Variants in ADGRL3 observed in about 807,000 individuals in gnomAD.
ADGRL3 encodes calcium-independent alpha-latrotoxin receptor 3.
Under a neutral mutation model 153.5 loss-of-function variants are expected in ADGRL3, and 62 were observed. The ratio of observed to expected loss-of-function variants is 0.40; its 90% CI spans 0.33 to 0.50. ADGRL3 has a LOEUF of 0.50. Ranked by LOEUF, ADGRL3 falls within the 20% of genes least tolerant of loss-of-function variation. The probability of loss-of-function intolerance (pLI) is 0.47; values close to 1 mark genes in which losing one functional copy is unlikely to be tolerated. For missense variants in ADGRL3, 1,641 were observed against 1,859.4 expected (o/e 0.88, Z 2.16); for synonymous variants, 710 against 672.5 (o/e 1.06, Z -0.86).
chr4:61,688,867 T>G (rs750181883), intron 6 of ADGRL3, among the ~76,000 whole-genome samples: 7 of 152,194 alleles, frequency 4.6e-5, no homozygotes, highest in Non-Finnish European at 7.4e-5. Flanking sequence ...TCATACGATT[T>G]AGCTCTTAAA....
At chr4:61,822,914 T>C (rs2097768606) in intron 9 of ADGRL3, among the ~76,000 whole-genome samples, 1 of 152,208 alleles carries the variant, frequency 6.6e-6, no homozygotes, top group African/African-American at 2.4e-5. Flanking sequence ...TCAGGTTTGA[T>C]GTGACTGGTT....
intron 2 of ADGRL3, among the ~76,000 whole-genome samples, chr4:61,466,947 G>T (rs1481316457): frequency 6.6e-6 from 1 of 151,860 alleles, no homozygotes; most frequent in Admixed American, 6.6e-5. Flanking sequence ...TATGCTACAA[G>T]TATTTAGCCA....
intron 8 of ADGRL3, among the ~76,000 whole-genome samples, chr4:61,799,316 A>G (rs2097459320): frequency 6.6e-6 from 1 of 152,024 alleles, no homozygotes; most frequent in Non-Finnish European, 1.5e-5. Flanking sequence ...CTTCTGTAAA[A>G]GACCAGATAG....
chr4:61,212,003 G>A (rs1740256868), intron 1 of ADGRL3: 1 of 152,154 alleles, frequency 6.6e-6, no homozygotes, highest in African/African-American at 2.4e-5. Context: ...GACCGTCTAG[G>A]CATTGAGTAC....
chr4:61,705,123 T>G (rs1321398180), intron 6 of ADGRL3, among the ~76,000 whole-genome samples: 1 of 152,142 alleles, frequency 6.6e-6, no homozygotes, highest in Non-Finnish European at 1.5e-5. Context: ...GGTGAATCCT[T>G]TCCAGAAGGT....
intron 25 of ADGRL3, among the ~76,000 whole-genome samples, chr4:62,061,719 A>T (rs575711448): frequency 6.6e-6 from 1 of 152,094 alleles, no homozygotes; most frequent in South Asian, 2.1e-4. Flanking sequence ...CAGTATGTAA[A>T]CTTTTGGGAT....
chr4:61,711,027 G>A (rs1040919861), intron 6 of ADGRL3, among the ~76,000 whole-genome samples: 1 of 152,038 alleles, frequency 6.6e-6, no homozygotes, highest in African/African-American at 2.4e-5. Context: ...ATTTATAAAG[G>A]ATTTGTAGCA....
rs377714583 is a variant in ADGRL3 at position 61,947,322 on chromosome 4, G to A, written c.2628+200G>A. 2.5e-3 allele frequency among the ~76,000 whole-genome samples: 383 copies of A among 152,164 alleles called. 17 individuals are homozygous for A. In the South Asian group the frequency reaches 0.077, roughly 30 times the overall value. On this transcript the variant is annotated intron_variant, in intron 16 of 26. Transcript: ENST00000683033. ...AATCCTTATATATGTAAATACTTATGGTGAAAGCATTCATAGATGGATTTA... is the reference window on the plus strand; with the variant it reads ...AATCCTTATATATGTAAATACTTATAGTGAAAGCATTCATAGATGGATTTA...
chr4:61,559,985 C>T (rs2098787675), intron 4 of ADGRL3, among the ~76,000 whole-genome samples: 1 of 152,012 alleles, frequency 6.6e-6, no homozygotes, highest in African/African-American at 2.4e-5. Context: ...CCTTAACCAT[C>T]CCCCACATAT....
intron 1 of ADGRL3, among the ~76,000 whole-genome samples, chr4:61,233,948 A>T (rs1198284246): frequency 1.3e-5 from 2 of 152,168 alleles, no homozygotes; most frequent in Non-Finnish European, 2.9e-5. Flanking sequence ...TGGGGGATAG[A>T]GAGGATGGTG....
intron 8 of ADGRL3, among the ~76,000 whole-genome samples, chr4:61,804,092 A>G (rs2097529116): frequency 6.6e-6 from 1 of 152,176 alleles, no homozygotes; most frequent in South Asian, 2.1e-4. Flanking sequence ...ATACAATGAT[A>G]TATTTTAAAT....
intron 2 of ADGRL3, among the ~76,000 whole-genome samples, chr4:61,435,725 C>T (rs980509285): frequency 1.3e-5 from 2 of 152,026 alleles, no homozygotes; most frequent in African/African-American, 4.8e-5. Context: ...TGTCCTTCAC[C>T]TTCCATTCTC....
intron 2 of ADGRL3, among the ~76,000 whole-genome samples, chr4:61,397,616 A>G (rs980691309): frequency 1.3e-5 from 2 of 151,874 alleles, no homozygotes; most frequent in Non-Finnish European, 2.9e-5. Flanking sequence ...CAGTATTCCT[A>G]AGATTCTGGG....
chr4:61,848,982 C>G (rs891035408), intron 9 of ADGRL3, among the ~76,000 whole-genome samples: 1 of 152,102 alleles, frequency 6.6e-6, no homozygotes, highest in African/African-American at 2.4e-5. Flanking sequence ...CTTTATGAAG[C>G]TAAAGTTAGT....
intron 1 of ADGRL3, among the ~76,000 whole-genome samples, chr4:61,238,772 A>G (rs2149293776): frequency 6.6e-6 from 1 of 152,230 alleles, no homozygotes; most frequent in South Asian, 2.1e-4. Context: ...CATATTTCAC[A>G]TAAAGCACGT....
chr4:61,779,761 G>A (rs2097193769), intron 8 of ADGRL3, among the ~76,000 whole-genome samples: 1 of 150,314 alleles, frequency 6.7e-6, no homozygotes, highest in Non-Finnish European at 1.5e-5. Flanking sequence ...TTAAATTTCT[G>A]TGACTATTTT....
At chr4:61,377,012 G>T (rs189085361) in intron 1 of ADGRL3, among the ~76,000 whole-genome samples, 1 of 152,204 alleles carries the variant, frequency 6.6e-6, no homozygotes, top group East Asian at 1.9e-4. Context: ...TTCTCTGAGG[G>T]CAAGAACTGT....
intron 8 of ADGRL3, among the ~76,000 whole-genome samples, chr4:61,776,180 G>A (rs888253808): frequency 2.0e-5 from 3 of 152,172 alleles, no homozygotes; most frequent in Admixed American, 6.5e-5. Flanking sequence ...GATTACAGGC[G>A]TGAGCCACGG....
At chr4:61,351,748 A>C (rs1394758159) in intron 1 of ADGRL3, among the ~76,000 whole-genome samples, 1 of 152,120 alleles carries the variant, frequency 6.6e-6, no homozygotes, top group South Asian at 2.1e-4. Context: ...TGCTCAGAAA[A>C]AAAAAAGAAA....
Sources: allele counts gnomAD v4.1 joint callset (sites outside exome capture counted in the v4.1 genomes callset), GRCh38; gene constraint gnomAD v4.1.1; transcripts MANE v1.5; gene names NCBI Gene and HGNC (gene_info 2026-07-23, HGNC 2026-07-21).